WRN: variants seen among roughly 807,000 people sequenced by gnomAD.
WRN encodes the protein bifunctional 3'-5' exonuclease/ATP-dependent helicase WRN.
WRN carries 149 observed loss-of-function variants against 180.7 expected under a neutral mutation model. That is an observed-to-expected ratio of 0.82 (90% CI 0.72 to 0.94). WRN has a LOEUF of 0.94. Ranked by LOEUF, WRN falls within the 40% of genes least tolerant of loss-of-function variation. The probability of loss-of-function intolerance (pLI) is 0.00; values close to 1 mark genes in which losing one functional copy is unlikely to be tolerated. For synonymous variants in WRN, 548 were observed against 568.9 expected, an observed-to-expected ratio of 0.96 and a Z score of 0.52; for missense variants, 1,661 against 1,700.1, an observed-to-expected ratio of 0.98 and a Z score of 0.40.
chr8:31,135,090 T>C (rs1332624711), intron 24 of WRN, among the ~76,000 whole-genome samples: 1 of 151,168 alleles, frequency 6.6e-6, no homozygotes, highest in Admixed American at 6.6e-5. Context: ...AACTTAGGAG[T>C]TGCCCAGGCT....
chr8:31,149,517 T>C (rs1803025843), intron 30 of WRN, among the ~76,000 whole-genome samples: 1 of 99,076 alleles, frequency 1.0e-5, no homozygotes, highest in Non-Finnish European at 1.8e-5. Flanking sequence ...CTCTGTCACC[T>C]AGGCTAGAGT....
At chr8:31,124,738 A>G in intron 22 of WRN, 115 bp downstream of exon 22, 3 of 1,239,416 alleles carry the variant, frequency 2.4e-6, no homozygotes, top group Non-Finnish European at 3.5e-6. Flanking sequence ...TTGCTGTTAC[A>G]TGTGTGCTGA....
chr8:31,151,987 A>C (rs1211389414), intron 31 of WRN, among the ~76,000 whole-genome samples: 1 of 152,158 alleles, frequency 6.6e-6, no homozygotes, highest in Non-Finnish European at 1.5e-5. Context: ...AAACACATTA[A>C]GATGGCCGAA....
chr8:31,064,418 C>T lies in WRN; in HGVS notation c.339C>T (p.His113=), dbSNP rs374898432. 121 of 1,613,908 alleles carry T rather than the reference C, an allele frequency of 7.5e-5. 1 individual carries two copies. Among genetic ancestry groups the T allele is most frequent in the South Asian group, 3.0e-4 (27 of 91,080 alleles). The change falls in exon 4 of 35, where the codon CAC becomes CAT. Residue 113 remains histidine, a synonymous_variant. Transcript: ENST00000298139. ...CTGAGAGCAAATGTTACTTGTTCCA[C>T]GTTTCTTCCATGTCAGGTTGGTATC... is the stretch of plus-strand genomic sequence containing the variant. ...CVSESKCYLF[H]VSSMSVFPQG...
At chr8:31,128,745 G>A (rs1344768132) in intron 23 of WRN, among the ~76,000 whole-genome samples, 1 of 152,156 alleles carries the variant, frequency 6.6e-6, no homozygotes, top group African/African-American at 2.4e-5. Context: ...TGTAGTCCCA[G>A]CTACTCGGGA....
In WRN at chr8:31,130,004, C is replaced by CAAAAAAA. The variant is rs374855114; in HGVS notation, c.2826-2357_2826-2351dup. 5.8e-4 allele frequency among the ~76,000 whole-genome samples: 45 copies of CAAAAAAA among 78,030 alleles called. 1 individual carries two copies. Among genetic ancestry groups the CAAAAAAA allele is most frequent in the African/African-American group, 2.4e-3 (42 of 17,334 alleles). The allele number at this position is 78,030 out of a possible 152,430, so 51.2% of individuals were successfully genotyped here. A position where few individuals can be genotyped will look rare whatever the true frequency, so the allele number is the denominator to read the frequency against. ...TGGCGACAGAGCGACACTCTTGTCT[C>CAAAAAAA]AAAAAAAAAACAAAACAAAACAAAA... On this transcript the variant is annotated intron_variant, in intron 23 of 34. Transcript: ENST00000298139.
chr8:31,082,786 A>G (rs1180754593), intron 9 of WRN, among the ~76,000 whole-genome samples: 1 of 151,954 alleles, frequency 6.6e-6, no homozygotes, highest in African/African-American at 2.4e-5. Flanking sequence ...TAGTAGAGAA[A>G]GTGCTGGGAT....
chr8:31,120,473 C>A (rs2130323711), intron 21 of WRN, 49 bp downstream of exon 21: 1 of 1,554,026 alleles, frequency 6.4e-7, no homozygotes, highest in Non-Finnish European at 8.7e-7. Flanking sequence ...TTCTTTCTTT[C>A]CATATAAACC....
At chr8:31,096,585 A>G (rs1813986391) in intron 16 of WRN, among the ~76,000 whole-genome samples, 183 bp from the exon 17 acceptor site, 1 of 152,152 alleles carries the variant, frequency 6.6e-6, no homozygotes, top group Admixed American at 6.5e-5. Flanking sequence ...CTCTGAAGAG[A>G]TAAGCATTCT....
In WRN at chr8:31,173,980, T is replaced by C. The variant is rs1486380044; in HGVS notation, c.*878T>C. The stretch of plus-strand genomic sequence containing the variant: ...TGGCTTTTTTGTAAATAAAAATAAC[T>C]TGTTAAGAAACAAATATATCTGTCA... On this transcript the variant is annotated 3_prime_UTR_variant, in exon 35 of 35. Transcript: ENST00000298139. Among the ~76,000 whole-genome samples the C allele has an allele frequency of 1.3e-5, 2 of 152,176 alleles. No homozygotes were observed. Among genetic ancestry groups the C allele is most frequent in the Non-Finnish European group, 2.9e-5 (2 of 68,024 alleles).
chr8:31,175,920 CTG>C lies in WRN; in HGVS notation c.*2820_*2821del, dbSNP rs767202253. On this transcript the variant is annotated 3_prime_UTR_variant, in exon 35 of 35. Coordinates refer to ENST00000298139, the MANE Select transcript of WRN (RefSeq NM_000553.6). ...TAAAACAAGAAACATTTTTAAATGTCTGTTTTAATTTCTAAAGTGGTAGTGAT... is the reference window on the plus strand; with the variant it reads ...TAAAACAAGAAACATTTTTAAATGTCTTTTAATTTCTAAAGTGGTAGTGAT... Among the ~76,000 whole-genome samples the C allele has an allele frequency of 4.1e-4, 62 of 152,190 alleles. No homozygotes were observed. The highest frequency in any genetic ancestry group is 7.5e-4 in the Non-Finnish European group (51 of 67,990).
rs1800392 is a variant in WRN, at chr8:31,116,441, G to T, written c.2361G>T (p.Leu787=). 0.45 allele frequency: 733,959 copies of T among 1,613,630 alleles called. 169,470 individuals carry two copies. Among genetic ancestry groups the T allele is most frequent in the East Asian group, 0.6 (26,765 of 44,806 alleles). The part of the protein sequence containing the change: ...TQQVTGELRK[L]NLSCGTYHAG... ...AAGTTACAGGTGAACTTAGGAAACT[G>T]AATCTATCCTGTGGAACATACCATG... is the stretch of plus-strand genomic sequence containing the variant. Residue 787 remains leucine, a synonymous_variant, in exon 20 of 35, where the codon CTG becomes CTT. Coordinates refer to ENST00000298139, the MANE Select transcript of WRN (RefSeq NM_000553.6).
intron 1 of WRN, among the ~76,000 whole-genome samples, chr8:31,052,836 A>G (rs1341164113): frequency 6.6e-6 from 1 of 152,190 alleles, no homozygotes; most frequent in Non-Finnish European, 1.5e-5. Context: ...GATTGAGCTC[A>G]AGAAGCTAGT....
At chr8:31,119,585 G>A (rs897847811) in intron 20 of WRN, among the ~76,000 whole-genome samples, 18 of 151,516 alleles carry the variant, frequency 1.2e-4, no homozygotes, top group Admixed American at 3.3e-4. Flanking sequence ...TAGTGTATAC[G>A]ATTTACATAA....
chr8:31,065,338 G>A (rs958298192), intron 5 of WRN, among the ~76,000 whole-genome samples: 13 of 151,934 alleles, frequency 8.6e-5, no homozygotes, highest in African/African-American at 2.4e-4. Flanking sequence ...TTATCACCCG[G>A]GTATTAAGCC....
At chr8:31,045,897 G>A (rs1024279708) in intron 1 of WRN, among the ~76,000 whole-genome samples, 1 of 152,054 alleles carries the variant, frequency 6.6e-6, no homozygotes, top group African/African-American at 2.4e-5. Context: ...TGAGTGTATT[G>A]ATTTAATTAA....
At chr8:31,144,745 C>T (rs544203539) in intron 28 of WRN, among the ~76,000 whole-genome samples, 56 of 152,226 alleles carry the variant, frequency 3.7e-4, no homozygotes, top group Middle Eastern at 3.4e-3. Flanking sequence ...CTGAGATAGG[C>T]CAAAAGCTAG....
chr8:31,053,488 A>G (rs186421621), intron 1 of WRN, among the ~76,000 whole-genome samples: 2 of 152,320 alleles, frequency 1.3e-5, no homozygotes, highest in East Asian at 1.9e-4. Flanking sequence ...GCGGTGAGCT[A>G]TTTTATTACT....
At chr8:31,112,895 A>C (rs563997650) in intron 19 of WRN, among the ~76,000 whole-genome samples, 5 of 152,098 alleles carry the variant, frequency 3.3e-5, no homozygotes, top group Non-Finnish European at 5.9e-5. Flanking sequence ...GCCAGTTTAT[A>C]ATTTTAAACA....
Sources: gnomAD v4.1 joint callset for allele counts (sites outside exome capture counted in the v4.1 genomes callset) on GRCh38, gnomAD v4.1.1 for gene constraint, MANE v1.5 for transcripts, NCBI Gene and HGNC (gene_info 2026-07-23, HGNC 2026-07-21) for gene names.